Variants in ZNF80 observed in about 807,000 individuals in gnomAD.
The protein encoded by ZNF80 is ZNFPT17.
For synonymous variants in ZNF80, 132 were observed against 119.4 expected, an observed-to-expected ratio of 1.11 and a Z score of -0.69; for missense variants, 394 against 334.1, an observed-to-expected ratio of 1.18 and a Z score of -1.40.
At chr3:114,236,282 T>A (rs375218295) in exon 1 of ZNF80, 1 of 1,606,800 alleles carries the variant, frequency 6.2e-7, no homozygotes. Flanking sequence ...GAGTGGATCT[T>A]ACTCTGTTGG....
At position 114,234,901 on chromosome 3, in the gene ZNF80, A is replaced by G. The variant is rs2078194370; in HGVS notation, c.*1352T>C. The stretch of plus-strand genomic sequence containing the variant: ...TTTTGATATCAGTACATACAGAGAT[A>G]CCTTATTGTTTCACAGTATTTCATA... On this transcript the variant is annotated 3_prime_UTR_variant, in exon 1 of 1. Coordinates refer to ENST00000482457, the MANE Select transcript of ZNF80 (RefSeq NM_007136.4). 6.6e-6 allele frequency: 1 copy of G among 152,212 alleles called. No individual in the cohort carries two copies. The highest frequency in any genetic ancestry group is 2.4e-5 in the African/African-American group (1 of 41,444). The allele number at this position is 152,212 out of a possible 1,614,324, so 9.4% of individuals were successfully genotyped here. A position where few individuals can be genotyped will look rare whatever the true frequency, so the allele number is the denominator to read the frequency against.
At position 114,236,803 on chromosome 3, in the gene ZNF80, T is replaced by G. The variant is rs368189090; in HGVS notation, c.272A>C (p.Asp91Ala). ...GTGAATCCTCATGGGTCGAACGAAG[T>G]CGACCTTTTCAGGAAAGGCTTTTCC... ...ECGKAFPEKV[D>A]FVRPMRIHTG... The change falls in exon 1 of 1, where the codon GAC (aspartate) becomes GCC (alanine). Residue 91 changes from aspartate (D) to alanine (A), a missense_variant. By Grantham distance (126) the Asp-to-Ala change is moderately radical. Transcript: ENST00000482457. The G allele has an allele frequency of 1.3e-4, 210 of 1,613,952 alleles. No individual in the cohort carries two copies. Among genetic ancestry groups the G allele is most frequent in the Non-Finnish European group, 1.8e-4 (207 of 1,179,996 alleles).
Position 114,236,754 on chromosome 3 carries a change from G to C in ZNF80, c.321C>G (p.Cys107Trp), listed in dbSNP as rs1421496544. Reference sequence around the variant, plus strand: ...GGTTGAAGACCTTCCCGCACTCCACGCACTTACAGGGCTTCTCCCCTGTGT... The same window carrying C: ...GGTTGAAGACCTTCCCGCACTCCACCCACTTACAGGGCTTCTCCCCTGTGT... ...RIHTGEKPCK[C>W]VECGKVFNRR... The change falls in exon 1 of 1, where the codon TGC becomes TGG. Residue 107 changes from cysteine (C) to tryptophan (W), a missense_variant. Coordinates refer to ENST00000482457, the MANE Select transcript of ZNF80 (RefSeq NM_007136.4). 1 of 1,614,046 alleles carries C rather than the reference G, an allele frequency of 6.2e-7. No individual in the cohort carries two copies. Among genetic ancestry groups the C allele is most frequent in the Non-Finnish European group, 8.5e-7 (1 of 1,180,036 alleles).
rs770632220 is a variant in ZNF80 at position 114,236,687 on chromosome 3, C to A, written c.388G>T (p.Glu130Ter). Reference sequence around the variant, plus strand: ...CACTCGCTGCACTCATAGGGCTTCTCTCCAGTGTGAATCTGGCGGTAGCAC... The same window carrying A: ...CACTCGCTGCACTCATAGGGCTTCTATCCAGTGTGAATCTGGCGGTAGCAC... The change falls in exon 1 of 2, where the codon GAG becomes TAG. Residue 130 changes from glutamate (E) to a stop codon, truncating the protein, a stop_gained and NMD_transcript_variant. Transcript: ENST00000308095. 6.8e-6 allele frequency: 11 copies of A among 1,614,132 alleles called. No homozygotes were observed. The South Asian group carries it at 1.2e-4, about 18-fold the overall frequency.
In ZNF80 at chr3:114,236,276, G is replaced by T. The variant is rs1323463893; in HGVS notation, c.799C>A (p.His267Asn). Residue 267 changes from histidine (H) to asparagine (N), a missense_variant, in exon 1 of 1, where the codon CAC becomes AAC. His to Asn is a moderately conservative substitution (Grantham distance 68). Transcript: ENST00000482457. Reference protein sequence around the residue: ...HSAFAQQSKIHSGGKNL With the variant: ...HSAFAQQSKINSGGKNL ...ACTCAAAGGTTTTTTCCTCCAGAGT[G>T]GATCTTACTCTGTTGGGCAAAAGCA... The T allele has an allele frequency of 6.3e-7, 1 of 1,596,252 alleles. No individual in the cohort carries two copies. The highest frequency in any genetic ancestry group is 1.8e-5 in the Admixed American group (1 of 57,022).
rs753736681 is a variant in ZNF80 at position 114,236,940 on chromosome 3, C to G, written c.135G>C (p.Glu45Asp). 5.0e-6 allele frequency: 8 copies of G among 1,614,196 alleles called. No individual in the cohort carries two copies. Among genetic ancestry groups the G allele is most frequent in the Non-Finnish European group, 3.4e-6 (4 of 1,180,034 alleles). Residue 45 changes from glutamate to aspartate, a missense_variant, in exon 1 of 1, where the codon GAG becomes GAC. Coordinates refer to ENST00000482457, the MANE Select transcript of ZNF80 (RefSeq NM_007136.4). ...QGPSKDTLVR[E>D]GKTYKCKECG... ...ATTCCTTGCATTTGTAGGTCTTCCCCTCACGAACCAAAGTGTCTTTACTTG... is the reference window on the plus strand; with the variant it reads ...ATTCCTTGCATTTGTAGGTCTTCCCGTCACGAACCAAAGTGTCTTTACTTG...
Sources: allele counts gnomAD v4.1 joint callset, GRCh38; gene constraint gnomAD v4.1.1; transcripts MANE v1.5; gene names NCBI Gene and HGNC (gene_info 2026-07-23, HGNC 2026-07-21).